The following DEPDC1B variants were observed in gnomAD, a reference collection of about 807,000 sequenced individuals.
DEPDC1B encodes DEP domain-containing protein 1B.
Under a neutral mutation model 66.5 loss-of-function variants are expected in DEPDC1B, and 51 were observed. That is an observed-to-expected ratio of 0.77 (90% CI 0.61 to 0.97). The LOEUF (loss-of-function observed/expected upper bound fraction) is 0.97. Ranked by LOEUF, DEPDC1B falls within the 50% of genes least tolerant of loss-of-function variation. The pLI, the probability that DEPDC1B is intolerant of heterozygous loss-of-function variation, is 0.00. For synonymous variants in DEPDC1B, 226 were observed against 223.6 expected (o/e 1.01, Z -0.10); for missense variants, 552 against 637.1 (o/e 0.87, Z 1.44).
At chr5:60,618,784 T>A (rs1309308030) in intron 7 of DEPDC1B, among the ~76,000 whole-genome samples, 1 of 152,186 alleles carries the variant, frequency 6.6e-6, no homozygotes, top group African/African-American at 2.4e-5. Context: ...CCTAACTCAT[T>A]TGATGAGGCC....
At position 60,687,151 on chromosome 5, in the gene DEPDC1B, T is replaced by C. The variant is rs768184439; in HGVS notation, c.125A>G (p.His42Arg). 4.3e-6 allele frequency: 7 copies of C among 1,614,054 alleles called. No individual in the cohort carries two copies. Among genetic ancestry groups the C allele is most frequent in the African/African-American group, 1.3e-5 (1 of 74,926 alleles). ...KHRCRFKSYE[H>R]CFTAAEAVDW... ...CACAGCTTCGGCCGCTGTGAAACAA[T>C]GCTCATAGCTCTTGAAACGACAGCG... Residue 42 changes from histidine (H) to arginine (R), a missense_variant, in exon 2 of 11, where the codon CAT becomes CGT. Physicochemically the swap from His to Arg is conservative, Grantham distance 29. Coordinates refer to ENST00000265036, the MANE Select transcript of DEPDC1B (RefSeq NM_018369.3).
At position 60,687,150 on chromosome 5, in the gene DEPDC1B, A is replaced by C. The variant is rs1754435593; in HGVS notation, c.126T>G (p.His42Gln). ...KHRCRFKSYEHCFTAAEAVDW... is the reference protein window; with the variant it reads ...KHRCRFKSYEQCFTAAEAVDW... ...CCACAGCTTCGGCCGCTGTGAAACA[A>C]TGCTCATAGCTCTTGAAACGACAGC... The change falls in exon 2 of 11, where the codon CAT (histidine) becomes CAG (glutamine). Residue 42 changes from histidine to glutamine, a missense_variant. Coordinates refer to ENST00000265036, the MANE Select transcript of DEPDC1B (RefSeq NM_018369.3). 1 of 1,614,222 alleles carries C rather than the reference A, an allele frequency of 6.2e-7. No homozygotes were observed. Among genetic ancestry groups the C allele is most frequent in the Admixed American group, 1.7e-5 (1 of 60,026 alleles).
intron 2 of DEPDC1B, among the ~76,000 whole-genome samples, chr5:60,681,667 C>T (rs1257704472): frequency 1.3e-5 from 2 of 152,004 alleles, no homozygotes; most frequent in Non-Finnish European, 2.9e-5. Context: ...AAAAGGAAAT[C>T]AATGAAATGT....
At chr5:60,645,343 T>C in intron 4 of DEPDC1B, 149 bp downstream of exon 4, 2 of 752,702 alleles carry the variant, frequency 2.7e-6, no homozygotes, top group Non-Finnish European at 4.0e-6. Flanking sequence ...AGAATTCAGT[T>C]AAACTATGTT....
At chr5:60,684,814 A>G (rs1438510756) in intron 2 of DEPDC1B, among the ~76,000 whole-genome samples, 1 of 152,232 alleles carries the variant, frequency 6.6e-6, no homozygotes, top group Non-Finnish European at 1.5e-5. Context: ...AATGGGAGAA[A>G]ATATTTGAAA....
chr5:60,616,485 C>T (rs930073167), intron 7 of DEPDC1B, among the ~76,000 whole-genome samples: 1 of 152,154 alleles, frequency 6.6e-6, no homozygotes, highest in East Asian at 1.9e-4. Context: ...ACAAGAACTA[C>T]ATGATGAATG....
chr5:60,688,744 G>A (rs1443856789), intron 1 of DEPDC1B, among the ~76,000 whole-genome samples: 1 of 151,990 alleles, frequency 6.6e-6, no homozygotes, highest in African/African-American at 2.4e-5. Context: ...TTTTCTCTAG[G>A]AATTTGTCCT....
intron 2 of DEPDC1B, among the ~76,000 whole-genome samples, chr5:60,677,918 G>A (rs1258629850): frequency 6.6e-6 from 1 of 152,114 alleles, no homozygotes; most frequent in South Asian, 2.1e-4. Context: ...CTAGAGGGAG[G>A]AAGTAGTCCA....
At position 60,599,159 on chromosome 5, in the gene DEPDC1B, A is replaced by G. The variant is rs1451374610; in HGVS notation, c.1344T>C (p.Ser448=). 1.2e-6 allele frequency: 2 copies of G among 1,613,618 alleles called. No individual in the cohort carries two copies. Among genetic ancestry groups the G allele is most frequent in the African/African-American group, 2.7e-5 (2 of 75,004 alleles). The change falls in exon 10 of 11, where the codon TCT becomes TCC. Residue 448 remains serine, a synonymous_variant. Coordinates refer to ENST00000265036, the MANE Select transcript of DEPDC1B (RefSeq NM_018369.3). ...CCAACAAGGCTGCCAGAGGTTCCTGAGAGCCATATGATCTTTGATATTCAA... is the reference window on the plus strand; with the variant it reads ...CCAACAAGGCTGCCAGAGGTTCCTGGGAGCCATATGATCTTTGATATTCAA... ...EEFEYQRSYG[S]QEPLAALLEE... is the part of the protein sequence containing the mutation.
chr5:60,597,956 T>C (rs367566056), intron 10 of DEPDC1B, 42 bp from the exon 11 acceptor site: 34 of 1,491,750 alleles, frequency 2.3e-5, no homozygotes, highest in African/African-American at 4.3e-5. Context: ...AAAAGACACA[T>C]AAAAGCCAAT....
rs559451824 is a variant in DEPDC1B, at chr5:60,652,981, A to G, written c.315-5448T>C. 1.4e-4 allele frequency among the ~76,000 whole-genome samples: 21 copies of G among 149,330 alleles called. 5 individuals carry two copies. In the South Asian group the frequency reaches 4.0e-3, roughly 28 times the overall value. ...AGTATTCTATGGTGTATATTTATAC[A>G]CACCATATTTTCTTTATCCACTCAT... is the stretch of plus-strand genomic sequence containing the variant. On this transcript the variant is annotated intron_variant, in intron 2 of 10. Transcript: ENST00000265036.
intron 2 of DEPDC1B, among the ~76,000 whole-genome samples, chr5:60,660,301 G>GGA (rs1167965092): frequency 7.5e-6 from 1 of 132,670 alleles, no homozygotes; most frequent in East Asian, 2.6e-4. Context: ...GAAAGAGACA[G>GGA]GAGAGAGAGA....
At chr5:60,639,777 C>T (rs140993169) in intron 6 of DEPDC1B, among the ~76,000 whole-genome samples, 15 of 152,306 alleles carry the variant, frequency 9.8e-5, no homozygotes, top group African/African-American at 3.4e-4. Flanking sequence ...AATAGCAAGT[C>T]GTCCCATGAG....
intron 2 of DEPDC1B, among the ~76,000 whole-genome samples, chr5:60,678,943 T>A (rs762219178): frequency 3.9e-5 from 6 of 152,228 alleles, no homozygotes; most frequent in Non-Finnish European, 7.3e-5. Context: ...TTGGTGCTTT[T>A]AGTGTCATGT....
Position 60,668,233 on chromosome 5 carries a change from T to TA in DEPDC1B, c.314+18728_314+18729insT, listed in dbSNP as rs1561385138. Among the ~76,000 whole-genome samples, 69 of 27,054 alleles carry TA rather than the reference T, an allele frequency of 2.6e-3. 1 individual carries two copies. The highest frequency in any genetic ancestry group is 0.01 in the African/African-American group (59 of 5,836). 17.7% of individuals were successfully genotyped at this position (27,054 alleles called of 152,430 possible). ...TATATATATATATAAAATGGATATTTTATATATATATATAAAATGGATATT... is the reference window on the plus strand; with the variant it reads ...TATATATATATATAAAATGGATATTTATATATATATATATAAAATGGATATT... On this transcript the variant is annotated intron_variant, in intron 2 of 10. Coordinates refer to ENST00000265036, the MANE Select transcript of DEPDC1B (RefSeq NM_018369.3).
At chr5:60,685,654 A>G (rs1754395924) in intron 2 of DEPDC1B, among the ~76,000 whole-genome samples, 1 of 152,200 alleles carries the variant, frequency 6.6e-6, no homozygotes. Context: ...TTAAGGTCAC[A>G]ATAGAATAGA....
At chr5:60,604,218 CTTT>C (rs869142199) in intron 8 of DEPDC1B, among the ~76,000 whole-genome samples, 8 of 68,956 alleles carry the variant, frequency 1.2e-4, no homozygotes, top group South Asian at 1.0e-3. Context: ...ATTAACTATT[CTTT>C]TTTTTTTTTT....
rs535938426 is a variant in DEPDC1B at position 60,634,773 on chromosome 5, T to C, written c.898+3977A>G. Among the ~76,000 whole-genome samples, 111 of 152,090 alleles carry C rather than the reference T, an allele frequency of 7.3e-4. 1 individual carries two copies. Among genetic ancestry groups the C allele is most frequent in the Middle Eastern group, 3.4e-3 (1 of 294 alleles). ...GGTAATACCTAGGCATTTCCCTAAA[T>C]TTCCACCTTTAATGAGTACCTAACT... On this transcript the variant is annotated intron_variant, in intron 7 of 10. Coordinates refer to ENST00000265036, the MANE Select transcript of DEPDC1B (RefSeq NM_018369.3).
At position 60,687,053 on chromosome 5, in the gene DEPDC1B, G is replaced by C; in HGVS notation, c.223C>G (p.Leu75Val). Residue 75 changes from leucine (L) to valine (V), a missense_variant, in exon 2 of 11, where the codon CTG becomes GTG. Transcript: ENST00000265036. ...PEVTRKQTVQ[L>V]LKKFLKNHVI... ...TGATTCTTCAGGAATTTTTTTAGCA[G>C]CTGGACCGTTTGTTTGCGGGTCACT... 1.2e-6 allele frequency: 2 copies of C among 1,614,172 alleles called. No homozygotes were observed. Among genetic ancestry groups the C allele is most frequent in the Non-Finnish European group, 1.7e-6 (2 of 1,180,026 alleles).
Sources: allele counts gnomAD v4.1 joint callset (sites outside exome capture counted in the v4.1 genomes callset), GRCh38; gene constraint gnomAD v4.1.1; transcripts MANE v1.5; gene names NCBI Gene and HGNC (gene_info 2026-07-23, HGNC 2026-07-21).